WWOX: variants seen among roughly 807,000 people sequenced by gnomAD.
WWOX encodes the protein WW domain containing oxidoreductase.
WWOX carries 69 observed loss-of-function variants against 46.2 expected under a neutral mutation model. That is an observed-to-expected ratio of 1.49 (90% confidence interval 1.23 to 1.82). The LOEUF is 1.82. Ranked by LOEUF, WWOX falls within the 40% of genes most tolerant of loss-of-function variation. The pLI, the probability that WWOX is intolerant of heterozygous loss-of-function variation, is 0.00. For synonymous variants in WWOX, 359 were observed against 202.6 expected, an observed-to-expected ratio of 1.77 and a Z score of -6.56; for missense variants, 919 against 542.6, an observed-to-expected ratio of 1.69 and a Z score of -6.89.
intron 8 of WWOX, among the ~76,000 whole-genome samples, chr16:78,934,510 A>C (rs1188758008): frequency 1.0e-5 from 1 of 100,490 alleles, no homozygotes; most frequent in South Asian, 2.8e-4. Context: ...CCCTGTATCA[A>C]AAAAAAAAAA....
At chr16:78,814,215 G>T (rs958800710) in intron 8 of WWOX, among the ~76,000 whole-genome samples, 1 of 152,066 alleles carries the variant, frequency 6.6e-6, no homozygotes, top group African/African-American at 2.4e-5. Context: ...GAGAATTTTG[G>T]CAAAAATGTG....
In WWOX at chr16:78,273,313, A is replaced by C. The variant is rs1046716116; in HGVS notation, c.516+109024A>C. On this transcript the variant is annotated intron_variant, in intron 5 of 8. Transcript: ENST00000566780. ...TTATCCCCAGGTGGTTGAACTTTCTAAGTTTCCCCAAGCTGATCAGTGTTT... is the reference window on the plus strand; with the variant it reads ...TTATCCCCAGGTGGTTGAACTTTCTCAGTTTCCCCAAGCTGATCAGTGTTT... 4.6e-5 allele frequency among the ~76,000 whole-genome samples: 7 copies of C among 151,348 alleles called. 1 individual carries two copies. Among genetic ancestry groups the C allele is most frequent in the Admixed American group, 1.3e-4 (2 of 15,150 alleles).
chr16:78,964,956 G>C (rs1344004610), intron 8 of WWOX, among the ~76,000 whole-genome samples: 1 of 152,204 alleles, frequency 6.6e-6, no homozygotes, highest in African/African-American at 2.4e-5. Flanking sequence ...AGTGTGTGGG[G>C]GCACAGAAGT....
At chr16:79,016,125 C>G (rs1338390713) in intron 8 of WWOX, 1 of 152,226 alleles carries the variant, frequency 6.6e-6, no homozygotes, top group African/African-American at 2.4e-5. Flanking sequence ...TTGTAATCCT[C>G]TATTTAAGCT....
At chr16:78,870,686 C>T (rs547414435) in intron 8 of WWOX, among the ~76,000 whole-genome samples, 1 of 152,170 alleles carries the variant, frequency 6.6e-6, no homozygotes, top group Non-Finnish European at 1.5e-5. Flanking sequence ...ACGGCAACCT[C>T]TGCCTCCTGG....
chr16:78,201,821 C>T (rs112378035), intron 5 of WWOX, among the ~76,000 whole-genome samples: 10,291 of 151,758 alleles, frequency 0.068, 606 homozygotes, highest in African/African-American at 0.15. Flanking sequence ...TGCCTCAGCC[C>T]CCTGAGTAGC....
At chr16:78,940,518 C>G (rs575178859) in intron 8 of WWOX, among the ~76,000 whole-genome samples, 1 of 152,222 alleles carries the variant, frequency 6.6e-6, no homozygotes, top group South Asian at 2.1e-4. Context: ...ATTTTTACAT[C>G]ATTTCCATCG....
intron 5 of WWOX, among the ~76,000 whole-genome samples, chr16:78,335,253 C>A (rs986637238): frequency 1.3e-5 from 2 of 152,188 alleles, no homozygotes; most frequent in African/African-American, 4.8e-5. Context: ...AGCCCAGCGT[C>A]CATTAGCTGT....
At chr16:78,663,575 A>G (rs1293587295) in intron 8 of WWOX, among the ~76,000 whole-genome samples, 1 of 152,174 alleles carries the variant, frequency 6.6e-6, no homozygotes, top group African/African-American at 2.4e-5. Flanking sequence ...GAACATTCAT[A>G]TACAAGTTTT....
intron 8 of WWOX, among the ~76,000 whole-genome samples, chr16:78,864,903 C>G (rs2043970464): frequency 6.6e-6 from 1 of 151,640 alleles, no homozygotes; most frequent in Admixed American, 6.6e-5. Flanking sequence ...GCTGGGACCA[C>G]AGGCGTGCAC....
intron 8 of WWOX, among the ~76,000 whole-genome samples, chr16:79,195,234 C>T (rs747292339): frequency 3.9e-5 from 6 of 151,994 alleles, no homozygotes; most frequent in Non-Finnish European, 7.4e-5. Context: ...AGGAAGATTA[C>T]TGGGGAGTGT....
At chr16:79,187,648 C>T (rs188442337) in intron 8 of WWOX, among the ~76,000 whole-genome samples, 63 of 152,196 alleles carry the variant, frequency 4.1e-4, no homozygotes, top group African/African-American at 1.4e-3. Context: ...CTCAAGTGAT[C>T]GGCCTGCCTC....
intron 8 of WWOX, among the ~76,000 whole-genome samples, chr16:78,534,721 TTTA>T (rs2043716004): frequency 2.0e-5 from 3 of 152,206 alleles, no homozygotes; most frequent in African/African-American, 4.8e-5. Flanking sequence ...TTTATTTCAT[TTTA>T]TTTTTTTTGA....
intron 8 of WWOX, among the ~76,000 whole-genome samples, chr16:79,179,778 CT>C (rs1332496585): frequency 6.6e-6 from 1 of 152,204 alleles, no homozygotes; most frequent in Non-Finnish European, 1.5e-5. Context: ...CCTTGAATCC[CT>C]TAACTCCTTG....
chr16:78,712,667 T>G (rs1437981041), intron 8 of WWOX, among the ~76,000 whole-genome samples: 1 of 152,138 alleles, frequency 6.6e-6, no homozygotes, highest in Admixed American at 6.5e-5. Flanking sequence ...TAGATAGTAT[T>G]AAGAGAGTAG....
chr16:78,632,715 C>T (rs183765135), intron 8 of WWOX, among the ~76,000 whole-genome samples: 76 of 151,786 alleles, frequency 5.0e-4, no homozygotes, highest in African/African-American at 7.5e-4. Context: ...TGCGCCACCA[C>T]GCCCAGCTGA....
intron 8 of WWOX, among the ~76,000 whole-genome samples, chr16:78,702,855 C>G (rs915163734): frequency 6.6e-6 from 1 of 152,012 alleles, no homozygotes; most frequent in African/African-American, 2.4e-5. Flanking sequence ...TCCTTTTCCA[C>G]CATTGTTAAA....
chr16:78,825,398 A>C (rs562635642), intron 8 of WWOX: 1 of 278,166 alleles, frequency 3.6e-6, no homozygotes, highest in Non-Finnish European at 7.4e-6. Context: ...GCTCAGGTTC[A>C]AGTTACACCC....
intron 8 of WWOX, among the ~76,000 whole-genome samples, chr16:78,641,169 C>T (rs1255795114): frequency 1.3e-5 from 2 of 151,942 alleles, no homozygotes; most frequent in Non-Finnish European, 2.9e-5. Context: ...TTCAAAATGA[C>T]CCCCGTTGAC....
Sources: gnomAD v4.1 joint callset for allele counts (sites outside exome capture counted in the v4.1 genomes callset) on GRCh38, gnomAD v4.1.1 for gene constraint, MANE v1.5 for transcripts, NCBI Gene and HGNC (gene_info 2026-07-23, HGNC 2026-07-21) for gene names.